Variants in MALRD1 observed in about 807,000 individuals in gnomAD.
MALRD1 encodes MAM and LDL receptor class A domain containing 1.
MALRD1 carries 247 observed loss-of-function variants against 242.1 expected under a neutral mutation model. The ratio of observed to expected loss-of-function variants is 1.02; its 90% CI spans 0.92 to 1.13. MALRD1 has a LOEUF of 1.13. Among genes scored for constraint, MALRD1 ranks in the 50% most tolerant of loss-of-function variants. MALRD1 has a pLI of 0.00. For synonymous variants in MALRD1, 995 were observed against 866.6 expected (o/e 1.15, Z -2.60); for missense variants, 2,989 against 2,533.1 (o/e 1.18, Z -3.86).
In MALRD1 at chr10:19,514,295, A is replaced by G. The variant is rs61841393; in HGVS notation, c.5320+15649A>G. ...GAATTTTATATAATTTCTCAAACACATATTAATAACATATCATACAATATA... is the reference window on the plus strand; with the variant it reads ...GAATTTTATATAATTTCTCAAACACGTATTAATAACATATCATACAATATA... On this transcript the variant is annotated intron_variant, in intron 31 of 39. Coordinates refer to ENST00000454679, the MANE Select transcript of MALRD1 (RefSeq NM_001142308.3). Among the ~76,000 whole-genome samples, 1,381 of 152,314 alleles carry G rather than the reference A, an allele frequency of 9.1e-3. 14 individuals are homozygous for G. The highest frequency in any genetic ancestry group is 0.024 in the Middle Eastern group (7 of 294).
Position 19,049,133 on chromosome 10 carries a change from G to C in MALRD1, c.195G>C (p.Arg65=), listed in dbSNP as rs1026219028. 2.4e-6 allele frequency: 3 copies of C among 1,233,716 alleles called. No homozygotes were observed. In the East Asian group the frequency reaches 9.5e-5, roughly 39 times the overall value. The allele number at this position is 1,233,716 out of a possible 1,614,324, so 76.4% of individuals were successfully genotyped here. ...TDQCGDSSDE[R]HCLNYERCDF... ...AGTGTGGGGATAGCAGTGATGAACG[G>C]CACTGTAAGTGACATTCTCCTTTCT... The change falls in exon 1 of 40, where the codon CGG becomes CGC. Residue 65 remains arginine, a synonymous_variant. Coordinates refer to ENST00000454679, the MANE Select transcript of MALRD1 (RefSeq NM_001142308.3).
At chr10:19,575,911 G>C (rs1836799082) in intron 33 of MALRD1, among the ~76,000 whole-genome samples, 1 of 152,074 alleles carries the variant, frequency 6.6e-6, no homozygotes, top group Non-Finnish European at 1.5e-5. Flanking sequence ...TCCCAAATTA[G>C]TCCTCTAGTA....
Position 19,049,152 on chromosome 10 carries a change from C to T in MALRD1, c.199+15C>T. On this transcript the variant is annotated intron_variant, in intron 1 of 39. Transcript: ENST00000454679. ...TGAACGGCACTGTAAGTGACATTCTCCTTTCTCCAATTTCAATTCCCCGTA... is the reference window on the plus strand; with the variant it reads ...TGAACGGCACTGTAAGTGACATTCTTCTTTCTCCAATTTCAATTCCCCGTA... 1 of 1,233,718 alleles carries T rather than the reference C, an allele frequency of 8.1e-7. No individual in the cohort carries two copies. The highest frequency in any genetic ancestry group is 1.0e-6 in the Non-Finnish European group (1 of 987,992). 76.4% of individuals were successfully genotyped at this position (1,233,718 alleles called of 1,614,324 possible). A position where few individuals can be genotyped will look rare whatever the true frequency, so the allele number is the denominator to read the frequency against.
At chr10:19,179,472 A>G (rs1049002159) in intron 14 of MALRD1, among the ~76,000 whole-genome samples, 15 of 152,032 alleles carry the variant, frequency 9.9e-5, no homozygotes, top group African/African-American at 3.6e-4. Flanking sequence ...CAACATCACA[A>G]AACCCCATCT....
intron 31 of MALRD1, among the ~76,000 whole-genome samples, chr10:19,516,609 A>G (rs921941654): frequency 8.6e-5 from 13 of 151,978 alleles, no homozygotes; most frequent in African/African-American, 2.9e-4. Context: ...ATTTTCAAAT[A>G]TCTTCTCCTC....
chr10:19,073,174 C>T (rs1007087407), intron 2 of MALRD1, among the ~76,000 whole-genome samples: 4 of 152,146 alleles, frequency 2.6e-5, no homozygotes, highest in East Asian at 1.9e-4. Context: ...CTTGGCCTCC[C>T]GAAGTGCTGG....
chr10:19,432,739 G>A (rs903642495), intron 28 of MALRD1, among the ~76,000 whole-genome samples: 7 of 152,140 alleles, frequency 4.6e-5, no homozygotes. Flanking sequence ...GTTCTGAAAA[G>A]GCTTCTCCAA....
chr10:19,498,667 C>T, intron 31 of MALRD1, 21 bp downstream of exon 31: 1 of 1,537,350 alleles, frequency 6.5e-7, no homozygotes, highest in East Asian at 2.5e-5. Flanking sequence ...TAGCCATCCC[C>T]AGACCAAGAA....
At chr10:19,425,698 A>C (rs1016374691) in intron 28 of MALRD1, among the ~76,000 whole-genome samples, 3 of 152,162 alleles carry the variant, frequency 2.0e-5, no homozygotes, top group African/African-American at 7.2e-5. Context: ...AGAGGGAAGT[A>C]AGAGGGAAAA....
chr10:19,067,052 T>C (rs1835002824), intron 2 of MALRD1, among the ~76,000 whole-genome samples, 193 bp downstream of exon 2: 1 of 152,290 alleles, frequency 6.6e-6, no homozygotes, highest in South Asian at 2.1e-4. Flanking sequence ...TTTAACCAGT[T>C]TCAAAATATT....
At chr10:19,657,415 A>G (rs1262839817) in intron 36 of MALRD1, among the ~76,000 whole-genome samples, 3 of 152,160 alleles carry the variant, frequency 2.0e-5, no homozygotes, top group Admixed American at 6.6e-5. Context: ...AACACACTCC[A>G]GCCCAGGGGT....
chr10:19,472,599 G>C (rs1489494738), intron 29 of MALRD1, among the ~76,000 whole-genome samples: 1 of 151,756 alleles, frequency 6.6e-6, no homozygotes, highest in Non-Finnish European at 1.5e-5. Context: ...GGTCTGTTCA[G>C]GTTTTCTCTT....
chr10:19,626,997 G>T (rs1378610615), intron 36 of MALRD1, among the ~76,000 whole-genome samples: 1 of 152,014 alleles, frequency 6.6e-6, no homozygotes, highest in African/African-American at 2.4e-5. Flanking sequence ...GCTGGAACAG[G>T]AATAGACAAA....
chr10:19,530,612 T>G (rs925323405), intron 31 of MALRD1, among the ~76,000 whole-genome samples: 1 of 150,862 alleles, frequency 6.6e-6, no homozygotes, highest in Non-Finnish European at 1.5e-5. Flanking sequence ...ATAGCTATGA[T>G]GAATTTCTGA....
In MALRD1 at chr10:19,690,988, A is replaced by G. The variant is rs551973749; in HGVS notation, c.6138-1294A>G. Among the ~76,000 whole-genome samples the G allele has an allele frequency of 1.4e-4, 21 of 152,182 alleles. No individual in the cohort carries two copies. In the East Asian group the frequency reaches 3.9e-3, roughly 28 times the overall value. ...TGATTACTGTAGCCCTGATGCCAGGAAAGTGGCACTATCAACATTTAAAGG... is the reference window on the plus strand; with the variant it reads ...TGATTACTGTAGCCCTGATGCCAGGGAAGTGGCACTATCAACATTTAAAGG... On this transcript the variant is annotated intron_variant, in intron 36 of 39. Transcript: ENST00000454679.
chr10:19,491,309 A>G, intron 29 of MALRD1: 1 of 721,006 alleles, frequency 1.4e-6, no homozygotes, highest in Non-Finnish European at 2.3e-6. Flanking sequence ...AAGTGCATAA[A>G]AGATATTTCA....
chr10:19,173,969 AG>A (rs1835116739), intron 13 of MALRD1, among the ~76,000 whole-genome samples: 3 of 152,244 alleles, frequency 2.0e-5, no homozygotes, highest in Admixed American at 2.0e-4. Flanking sequence ...GAGGTTAAAA[AG>A]AAAAAAAATA....
intron 36 of MALRD1, among the ~76,000 whole-genome samples, chr10:19,644,360 T>A (rs1002148590): frequency 2.1e-5 from 3 of 145,952 alleles, no homozygotes; most frequent in Non-Finnish European, 3.0e-5. Flanking sequence ...CATCATTCAT[T>A]TGAAAGAGAC....
intron 36 of MALRD1, among the ~76,000 whole-genome samples, chr10:19,675,876 C>CG (rs1244985769): frequency 4.6e-5 from 7 of 152,278 alleles, no homozygotes; most frequent in Admixed American, 3.9e-4. Flanking sequence ...TTATTAAGCA[C>CG]TGTCATAAGA....
Sources: allele counts gnomAD v4.1 joint callset (sites outside exome capture counted in the v4.1 genomes callset), GRCh38; gene constraint gnomAD v4.1.1; transcripts MANE v1.5; gene names NCBI Gene and HGNC (gene_info 2026-07-23, HGNC 2026-07-21).